TMEM132D: variants seen among roughly 807,000 people sequenced by gnomAD.
The protein encoded by TMEM132D is transmembrane protein 132D, also known as mature OL transmembrane protein.
In TMEM132D, 21 loss-of-function variants were observed where a neutral mutation model predicts 62.3. The observed-to-expected ratio is 0.34, with a 90% CI of 0.24 to 0.49. The LOEUF (loss-of-function observed/expected upper bound fraction) is 0.49. TMEM132D is among the 20% of genes least tolerant of loss of function. The pLI, the probability that TMEM132D is intolerant of heterozygous loss-of-function variation, is 0.99. For synonymous variants in TMEM132D, 621 were observed against 575.6 expected (o/e 1.08, Z -1.13); for missense variants, 1,346 against 1,402.8 (o/e 0.96, Z 0.65).
rs529247845 is a variant in TMEM132D at position 129,649,771 on chromosome 12, T to C, written c.968+50039A>G. ...AGATATATACACATATGTATGTGTA[T>C]ATGTGTGTATATGTATGTGTGTGTG... On this transcript the variant is annotated intron_variant, in intron 2 of 8. Transcript: ENST00000422113. Among the ~76,000 whole-genome samples the C allele has an allele frequency of 3.3e-5, 5 of 152,140 alleles. 1 individual carries two copies. Among genetic ancestry groups the C allele is most frequent in the African/African-American group, 9.6e-5 (4 of 41,512 alleles).
chr12:129,279,504 C>T (rs986525942), intron 4 of TMEM132D, among the ~76,000 whole-genome samples: 1 of 151,984 alleles, frequency 6.6e-6, no homozygotes, highest in Admixed American at 6.6e-5. Context: ...AAATATCGCT[C>T]TTCTCTAATA....
Position 129,081,751 on chromosome 12 carries a change from T to C in TMEM132D, c.1923+8A>G. On this transcript the variant is annotated splice_region_variant and intron_variant, in intron 7 of 8. Coordinates refer to ENST00000422113, the MANE Select transcript of TMEM132D (RefSeq NM_133448.3). ...TCTTGATTTGGGGATTTTTTTTTTT[T>C]TTTTTACCTGAATGGTGGTCATCCC... 2 of 1,553,876 alleles carry C rather than the reference T, an allele frequency of 1.3e-6. No individual in the cohort carries two copies. Among genetic ancestry groups the C allele is most frequent in the Non-Finnish European group, 1.7e-6 (2 of 1,153,178 alleles).
At chr12:129,583,689 G>C (rs140236563) in intron 2 of TMEM132D, among the ~76,000 whole-genome samples, 2 of 152,172 alleles carry the variant, frequency 1.3e-5, no homozygotes, top group Non-Finnish European at 2.9e-5. Flanking sequence ...CCCGTGGGGG[G>C]TGAGCTTGCC....
intron 5 of TMEM132D, among the ~76,000 whole-genome samples, chr12:129,150,668 G>T (rs1380603828): frequency 3.3e-5 from 5 of 152,200 alleles, no homozygotes; most frequent in African/African-American, 1.2e-4. Flanking sequence ...CTGACCCTGG[G>T]CTTCTCCAAT....
At chr12:129,842,312 G>A (rs1240085515) in intron 1 of TMEM132D, among the ~76,000 whole-genome samples, 2 of 152,030 alleles carry the variant, frequency 1.3e-5, no homozygotes, top group African/African-American at 2.4e-5. Context: ...TTCCCAAAGT[G>A]ATGGAGACCC....
intron 5 of TMEM132D, among the ~76,000 whole-genome samples, chr12:129,147,307 T>C (rs1281338090): frequency 1.1e-5 from 1 of 92,010 alleles, no homozygotes; most frequent in East Asian, 2.6e-4. Context: ...TATATATACA[T>C]ATGTGTATAT....
chr12:129,758,936 C>CTTTT (rs570116732), intron 1 of TMEM132D, among the ~76,000 whole-genome samples: 2 of 138,310 alleles, frequency 1.4e-5, no homozygotes, highest in African/African-American at 2.6e-5. Context: ...TTCTTTCTTT[C>CTTTT]TTTTTTTTTT....
chr12:129,337,441 GCACA>G lies in TMEM132D; in HGVS notation c.1299+189_1299+192del, dbSNP rs34583805. ...TAGATATAGATATAGATACACACAC[GCACA>G]CACACACACACACACACACACACAC... On this transcript the variant is annotated intron_variant, in intron 4 of 8. Transcript: ENST00000422113. 3.4e-3 allele frequency among the ~76,000 whole-genome samples: 497 copies of G among 148,078 alleles called. 2 individuals carry two copies. Among genetic ancestry groups the G allele is most frequent in the Middle Eastern group, 0.021 (6 of 292 alleles).
intron 2 of TMEM132D, among the ~76,000 whole-genome samples, chr12:129,560,152 C>T (rs1566110049): frequency 6.6e-6 from 1 of 152,136 alleles, no homozygotes; most frequent in Admixed American, 6.5e-5. Flanking sequence ...TAGGTGGGCA[C>T]CAAGCAAGAC....
In TMEM132D at chr12:129,087,768, G is replaced by A. The variant is rs140378657; in HGVS notation, c.1444-3066C>T. ...ACATGGGTGTCCACCATCTCACAAA[G>A]CTGCTGGGTTTGTGGTGTGATGGTT... is the stretch of plus-strand genomic sequence containing the variant. On this transcript the variant is annotated intron_variant, in intron 5 of 8. Coordinates refer to ENST00000422113, the MANE Select transcript of TMEM132D (RefSeq NM_133448.3). Among the ~76,000 whole-genome samples the A allele has an allele frequency of 1.8e-4, 28 of 152,356 alleles. 1 individual carries two copies. The East Asian group carries it at 4.4e-3, about 24-fold the overall frequency.
At chr12:129,660,782 C>T (rs970426756) in intron 2 of TMEM132D, among the ~76,000 whole-genome samples, 5 of 152,162 alleles carry the variant, frequency 3.3e-5, no homozygotes, top group Middle Eastern at 3.4e-3. Context: ...GGAAGAGGCA[C>T]ACCTAAGGGA....
At chr12:129,330,908 C>T (rs891045017) in intron 4 of TMEM132D, among the ~76,000 whole-genome samples, 2 of 152,202 alleles carry the variant, frequency 1.3e-5, no homozygotes, top group Non-Finnish European at 2.9e-5. Flanking sequence ...AGCCTATGTC[C>T]TCCCAAGCTT....
At position 129,814,444 on chromosome 12, in the gene TMEM132D, A is replaced by G. The variant is rs190784312; in HGVS notation, c.79+88817T>C. Among the ~76,000 whole-genome samples, 840 of 151,994 alleles carry G rather than the reference A, an allele frequency of 5.5e-3. 5 individuals are homozygous for G. The highest frequency in any genetic ancestry group is 0.027 in the Middle Eastern group (8 of 294). On this transcript the variant is annotated intron_variant, in intron 1 of 8. Coordinates refer to ENST00000422113, the MANE Select transcript of TMEM132D (RefSeq NM_133448.3). ...ACCAACATGTAGAAACCCTGTCTCT[A>G]CTAAAAATACAAAAAATTTACCTGG...
chr12:129,449,564 T>G (rs970810023), intron 3 of TMEM132D, among the ~76,000 whole-genome samples: 1 of 152,028 alleles, frequency 6.6e-6, no homozygotes, highest in Non-Finnish European at 1.5e-5. Context: ...GTACACGGAG[T>G]CTCTGCACAT....
At chr12:129,887,342 A>T (rs1874781875) in intron 1 of TMEM132D, among the ~76,000 whole-genome samples, 2 of 152,192 alleles carry the variant, frequency 1.3e-5, no homozygotes. Context: ...CACTTCTATG[A>T]AAGTCCTCTG....
At chr12:129,459,727 TA>T (rs1430678268) in intron 3 of TMEM132D, among the ~76,000 whole-genome samples, 2 of 152,244 alleles carry the variant, frequency 1.3e-5, no homozygotes, top group African/African-American at 4.8e-5. Context: ...ATGTTTTTCA[TA>T]TTTTTTACTC....
intron 1 of TMEM132D, among the ~76,000 whole-genome samples, chr12:129,742,382 G>A (rs1869637432): frequency 6.6e-6 from 1 of 152,108 alleles, no homozygotes. Context: ...GAGGGAGCAA[G>A]AGAGAGAAGA....
rs1035691205 is a variant in TMEM132D, at chr12:129,545,493, T to G, written c.969-14288A>C. Among the ~76,000 whole-genome samples the G allele has an allele frequency of 6.6e-5, 10 of 152,326 alleles. 1 individual carries two copies. Among genetic ancestry groups the G allele is most frequent in the African/African-American group, 2.4e-4 (10 of 41,572 alleles). ...AACAGTTAACATGAGATCTATGCCT[T>G]AGACACATTTTTAGGTGCACAGTAG... is the stretch of plus-strand genomic sequence containing the variant. On this transcript the variant is annotated intron_variant, in intron 2 of 8. Transcript: ENST00000422113.
chr12:129,141,810 G>A (rs1593274710), intron 5 of TMEM132D, among the ~76,000 whole-genome samples: 1 of 151,844 alleles, frequency 6.6e-6, no homozygotes, highest in South Asian at 2.1e-4. Context: ...AACTAACTTT[G>A]GGGTACTATG....
Sources: allele counts gnomAD v4.1 joint callset (sites outside exome capture counted in the v4.1 genomes callset), GRCh38; gene constraint gnomAD v4.1.1; transcripts MANE v1.5; gene names NCBI Gene and HGNC (gene_info 2026-07-23, HGNC 2026-07-21).